Variants in RNF180 observed in about 807,000 individuals in gnomAD.
RNF180 encodes the protein ring finger protein 180, also known as E3 ubiquitin-protein ligase RNF180.
Under a neutral mutation model 59.2 loss-of-function variants are expected in RNF180, and 38 were observed. That is an observed-to-expected ratio of 0.64 (90% CI 0.50 to 0.84). The LOEUF (loss-of-function observed/expected upper bound fraction) is 0.84, where lower values mean the gene tolerates loss of function less well. RNF180 is among the 40% of genes least tolerant of loss of function. RNF180 has a pLI of 0.00. For synonymous variants in RNF180, 262 were observed against 240.3 expected (o/e 1.09, Z -0.84); for missense variants, 705 against 700.9 (o/e 1.01, Z -0.07).
intron 5 of RNF180, among the ~76,000 whole-genome samples, chr5:64,266,464 G>A (rs945868650): frequency 6.6e-6 from 1 of 152,094 alleles, no homozygotes; most frequent in Non-Finnish European, 1.5e-5. Flanking sequence ...TCTCTTGTAT[G>A]TAATTGAATG....
intron 7 of RNF180, among the ~76,000 whole-genome samples, chr5:64,349,260 AG>A (rs1176743974): frequency 6.6e-6 from 1 of 152,060 alleles, no homozygotes; most frequent in Non-Finnish European, 1.5e-5. Flanking sequence ...AACATTAATG[AG>A]GGTTGCTTAT....
At chr5:64,277,540 T>G (rs59303353) in intron 5 of RNF180, among the ~76,000 whole-genome samples, 2,481 of 151,984 alleles carry the variant, frequency 0.016, 63 homozygotes, top group African/African-American at 0.056. Flanking sequence ...GCTGGGCAGG[T>G]GGGATGGAGG....
At position 64,297,677 on chromosome 5, in the gene RNF180, A is replaced by T. The variant is rs545399627; in HGVS notation, c.1228-27509A>T. Among the ~76,000 whole-genome samples the T allele has an allele frequency of 6.4e-4, 97 of 152,204 alleles. 1 individual carries two copies. Among genetic ancestry groups the T allele is most frequent in the African/African-American group, 2.2e-3 (93 of 41,552 alleles). On this transcript the variant is annotated intron_variant, in intron 5 of 7. Coordinates refer to ENST00000389100, the MANE Select transcript of RNF180 (RefSeq NM_001113561.2). ...GGGCTTCTTAAAAGCATTTGAGAGC[A>T]ATAAAAAAAGTTTCCAGTTTTTAAC...
intron 6 of RNF180, among the ~76,000 whole-genome samples, chr5:64,326,106 G>T (rs1744624480): frequency 6.6e-6 from 1 of 152,112 alleles, no homozygotes. Flanking sequence ...GGAGCCAAAT[G>T]AGGATCTGAG....
intron 5 of RNF180, among the ~76,000 whole-genome samples, chr5:64,263,035 G>A (rs931419866): frequency 5.9e-5 from 9 of 152,190 alleles, no homozygotes; most frequent in Non-Finnish European, 1.2e-4. Flanking sequence ...TAGCCAGACA[G>A]ATTTAGAAAT....
At chr5:64,177,078 T>C (rs1166206136) in intron 1 of RNF180, among the ~76,000 whole-genome samples, 1 of 152,196 alleles carries the variant, frequency 6.6e-6, no homozygotes, top group Non-Finnish European at 1.5e-5. Flanking sequence ...AGGTGGAATT[T>C]GTTAATTCTC....
chr5:64,228,264 T>C (rs1200544696), intron 5 of RNF180, among the ~76,000 whole-genome samples: 4 of 152,176 alleles, frequency 2.6e-5, no homozygotes, highest in Non-Finnish European at 5.9e-5. Flanking sequence ...CCTGAAATCC[T>C]AGCCTTTGGG....
At chr5:64,367,595 A>G (rs1480741212) in intron 7 of RNF180, among the ~76,000 whole-genome samples, 1 of 151,504 alleles carries the variant, frequency 6.6e-6, no homozygotes. Context: ...CTTAATACAT[A>G]AAAAATAGGA....
intron 1 of RNF180, among the ~76,000 whole-genome samples, chr5:64,197,569 T>G (rs1751519574): frequency 6.6e-6 from 1 of 152,174 alleles, no homozygotes; most frequent in South Asian, 2.1e-4. Flanking sequence ...AAAAAACCTG[T>G]TTATCGAAGC....
At chr5:64,239,667 A>G (rs1742679122) in intron 5 of RNF180, among the ~76,000 whole-genome samples, 1 of 152,144 alleles carries the variant, frequency 6.6e-6, no homozygotes, top group Non-Finnish European at 1.5e-5. Context: ...TTTATGAAAC[A>G]TGGTGTTTTA....
intron 5 of RNF180, among the ~76,000 whole-genome samples, chr5:64,305,682 C>T (rs955587017): frequency 6.6e-6 from 1 of 151,546 alleles, no homozygotes; most frequent in Admixed American, 6.6e-5. Flanking sequence ...TTGTATTAGT[C>T]ACTACATTAA....
At chr5:64,266,108 A>T (rs1178344703) in intron 5 of RNF180, among the ~76,000 whole-genome samples, 4 of 152,330 alleles carry the variant, frequency 2.6e-5, no homozygotes, top group African/African-American at 9.6e-5. Context: ...TATCAGCTTA[A>T]AGAGTTTTTG....
At chr5:64,207,257 A>G (rs1752062912) in intron 2 of RNF180, among the ~76,000 whole-genome samples, 1 of 152,278 alleles carries the variant, frequency 6.6e-6, no homozygotes, top group East Asian at 1.9e-4. Context: ...AAGGAAAAGT[A>G]TAGGAAGCCA....
At chr5:64,274,108 G>A (rs1741583844) in intron 5 of RNF180, among the ~76,000 whole-genome samples, 1 of 151,898 alleles carries the variant, frequency 6.6e-6, no homozygotes, top group African/African-American at 2.4e-5. Context: ...ACCATTCTTA[G>A]GATGTTTCAA....
chr5:64,223,204 C>T (rs1741463316), intron 5 of RNF180, among the ~76,000 whole-genome samples: 1 of 152,172 alleles, frequency 6.6e-6, no homozygotes, highest in South Asian at 2.1e-4. Flanking sequence ...TTGTGGCCCC[C>T]TTCCAGCCAT....
At chr5:64,239,658 T>C (rs547063050) in intron 5 of RNF180, among the ~76,000 whole-genome samples, 1 of 152,282 alleles carries the variant, frequency 6.6e-6, no homozygotes, top group East Asian at 1.9e-4. Flanking sequence ...ATCAGCGATT[T>C]TATGAAACAT....
intron 7 of RNF180, among the ~76,000 whole-genome samples, chr5:64,334,389 T>C (rs963825446): frequency 2.6e-5 from 4 of 152,170 alleles, no homozygotes; most frequent in African/African-American, 9.7e-5. Context: ...TCAGAGATTG[T>C]AATGCACTGG....
At chr5:64,195,075 C>T (rs1192158824) in intron 1 of RNF180, among the ~76,000 whole-genome samples, 1 of 152,004 alleles carries the variant, frequency 6.6e-6, no homozygotes, top group Non-Finnish European at 1.5e-5. Context: ...ATTATGTTAG[C>T]TTATTTATAA....
At chr5:64,322,788 C>G (rs1026427629) in intron 5 of RNF180, among the ~76,000 whole-genome samples, 1 of 151,920 alleles carries the variant, frequency 6.6e-6, no homozygotes, top group African/African-American at 2.4e-5. Flanking sequence ...GGAGCTTAAG[C>G]TATGAGGATG....
Sources: allele counts gnomAD v4.1 joint callset (sites outside exome capture counted in the v4.1 genomes callset), GRCh38; gene constraint gnomAD v4.1.1; transcripts MANE v1.5; gene names NCBI Gene and HGNC (gene_info 2026-07-23, HGNC 2026-07-21).